CHL1: variants seen among roughly 807,000 people sequenced by gnomAD.
CHL1 encodes the protein cell adhesion molecule L1 like, also known as neural cell adhesion molecule L1-like protein.
In CHL1, 96 loss-of-function variants were observed where a neutral mutation model predicts 141.9. The observed-to-expected ratio is 0.68, with a 90% CI of 0.57 to 0.80. The LOEUF (loss-of-function observed/expected upper bound fraction) is 0.80. Ranked by LOEUF, CHL1 falls within the 30% of genes least tolerant of loss-of-function variation. CHL1 has a pLI of 0.00. For synonymous variants in CHL1, 613 were observed against 502.2 expected, an observed-to-expected ratio of 1.22 and a Z score of -2.95; for missense variants, 1,820 against 1,457.2, an observed-to-expected ratio of 1.25 and a Z score of -4.05.
intron 2 of CHL1, among the ~76,000 whole-genome samples, chr3:295,951 G>C (rs573844569): frequency 6.6e-6 from 1 of 152,072 alleles, no homozygotes; most frequent in African/African-American, 2.4e-5. Context: ...AGAGAACCTT[G>C]GTGCCCCTTC....
chr3:199,473 T>A (rs2125316811), intron 1 of CHL1, among the ~76,000 whole-genome samples: 1 of 152,372 alleles, frequency 6.6e-6, no homozygotes, highest in African/African-American at 2.4e-5. Context: ...CTCCAACCTA[T>A]CTGCTGATAA....
Position 359,003 on chromosome 3 carries a change from A to C in CHL1, c.1166-1281A>C, listed in dbSNP as rs11710352. Among the ~76,000 whole-genome samples the C allele has an allele frequency of 6.4e-3, 947 of 147,566 alleles. 2 individuals are homozygous for C. The highest frequency in any genetic ancestry group is 0.011 in the Non-Finnish European group (706 of 67,188). ...TATATATATATTATATACGGATATT[A>C]TATATAATATAATAATATATATTTA... On this transcript the variant is annotated intron_variant, in intron 11 of 27. Coordinates refer to ENST00000256509, the MANE Select transcript of CHL1 (RefSeq NM_006614.4).
In CHL1 at chr3:401,146, C is replaced by A. The variant is rs114348249; in HGVS notation, c.3386-480C>A. Among the ~76,000 whole-genome samples, 265 of 152,260 alleles carry A rather than the reference C, an allele frequency of 1.7e-3. 2 individuals carry two copies. Among genetic ancestry groups the A allele is most frequent in the African/African-American group, 5.9e-3 (247 of 41,560 alleles). On this transcript the variant is annotated intron_variant, in intron 26 of 27. Transcript: ENST00000256509. ...CAAACTCCTGATATAAAGTGTTCTG[C>A]CCACCTTGGCCTCCCAAAGTGCCGG...
intron 18 of CHL1, 72 bp downstream of exon 18, chr3:382,743 A>T (rs1369232198): frequency 7.6e-7 from 1 of 1,313,902 alleles, no homozygotes; most frequent in African/African-American, 1.5e-5. Context: ...CTAAAAAAAA[A>T]AGATTGATAG....
rs550962913 is a variant in CHL1, at chr3:314,515, T to C, written c.-94-5168T>C. Among the ~76,000 whole-genome samples, 3 of 151,964 alleles carry C rather than the reference T, an allele frequency of 2.0e-5. No homozygotes were observed. In the South Asian group the frequency reaches 6.3e-4, roughly 32 times the overall value. ...ATTGTTCCTAAGTCTACTGTTTCTT[T>C]GGGAGATTCTGCTGAACTTAGCCAG... On this transcript the variant is annotated intron_variant, in intron 2 of 27. Coordinates refer to ENST00000256509, the MANE Select transcript of CHL1 (RefSeq NM_006614.4).
intron 2 of CHL1, among the ~76,000 whole-genome samples, chr3:248,994 T>A (rs2125129390): frequency 6.6e-6 from 1 of 152,314 alleles, no homozygotes; most frequent in African/African-American, 2.4e-5. Flanking sequence ...AAAATTGTGT[T>A]TCCTCAAGAA....
At chr3:324,283 C>T (rs1042195287) in intron 3 of CHL1, among the ~76,000 whole-genome samples, 1 of 152,062 alleles carries the variant, frequency 6.6e-6, no homozygotes, top group Admixed American at 6.6e-5. Context: ...TTAAGTTAGG[C>T]TCTGTGCCTG....
intron 1 of CHL1, among the ~76,000 whole-genome samples, chr3:233,567 T>C (rs1691625157): frequency 6.6e-6 from 1 of 152,178 alleles, no homozygotes; most frequent in African/African-American, 2.4e-5. Context: ...CTTACCACTT[T>C]CTTCCCATAA....
At position 215,185 on chromosome 3, in the gene CHL1, A is replaced by C. The variant is rs1700215119; in HGVS notation, c.-175+18122A>C. On this transcript the variant is annotated intron_variant, in intron 1 of 27. Transcript: ENST00000256509. ...AACCTAAGTGTCCATCAACAGATGA[A>C]TAAAGAAAATGTGGTGTATATATAC... Among the ~76,000 whole-genome samples, 5 of 152,352 alleles carry C rather than the reference A, an allele frequency of 3.3e-5. No individual in the cohort carries two copies. In the South Asian group the frequency reaches 1.0e-3, roughly 32 times the overall value.
intron 2 of CHL1, among the ~76,000 whole-genome samples, chr3:299,751 CAG>C (rs1252468971): frequency 1.3e-5 from 2 of 152,094 alleles, no homozygotes; most frequent in Non-Finnish European, 2.9e-5. Context: ...TCTCACCTGA[CAG>C]GGGAGCAGTG....
chr3:248,336 C>T (rs1051492848), intron 2 of CHL1: 1 of 152,000 alleles, frequency 6.6e-6, no homozygotes, highest in Non-Finnish European at 1.5e-5. Flanking sequence ...GATTTTAAGT[C>T]ACTAGGAAAA....
intron 2 of CHL1, among the ~76,000 whole-genome samples, chr3:317,130 A>T (rs1386840799): frequency 6.6e-6 from 1 of 152,006 alleles, no homozygotes; most frequent in Non-Finnish European, 1.5e-5. Flanking sequence ...TTTCAGGTAA[A>T]TTGAAGCTAA....
At chr3:198,087 G>T in intron 1 of CHL1, 2 of 290,104 alleles carry the variant, frequency 6.9e-6, no homozygotes, top group South Asian at 5.7e-5. Context: ...AGCCGCGCGG[G>T]CCCAGGTACC....
chr3:376,129 C>A (rs543623273), intron 15 of CHL1, among the ~76,000 whole-genome samples: 3 of 152,292 alleles, frequency 2.0e-5, no homozygotes, highest in East Asian at 3.9e-4. Flanking sequence ...AGAAATGATA[C>A]AACTTTTTAA....
intron 1 of CHL1, among the ~76,000 whole-genome samples, chr3:211,206 T>C (rs188144691): frequency 1.2e-3 from 177 of 152,318 alleles, no homozygotes; most frequent in African/African-American, 4.2e-3. Flanking sequence ...CTTCTATTTA[T>C]TGATTACAGC....
chr3:208,419 G>C (rs925348253), intron 1 of CHL1, among the ~76,000 whole-genome samples: 1 of 151,538 alleles, frequency 6.6e-6, no homozygotes. Context: ...ACAGAAAGGA[G>C]TGTGTCATCA....
intron 15 of CHL1, among the ~76,000 whole-genome samples, chr3:374,852 C>A (rs1054653599): frequency 2.6e-5 from 4 of 152,164 alleles, no homozygotes; most frequent in Non-Finnish European, 5.9e-5. Context: ...TGCTGAGACA[C>A]CTTCTCCTTA....
intron 15 of CHL1, among the ~76,000 whole-genome samples, chr3:368,966 T>A (rs931368904): frequency 3.0e-4 from 46 of 152,238 alleles, no homozygotes; most frequent in African/African-American, 9.2e-4. Flanking sequence ...TCTGTTTTCA[T>A]ACCAGTACCA....
At chr3:371,499 C>G (rs1705628895) in intron 15 of CHL1, among the ~76,000 whole-genome samples, 1 of 152,142 alleles carries the variant, frequency 6.6e-6, no homozygotes, top group African/African-American at 2.4e-5. Context: ...CTATGTGTGT[C>G]TTTGCATGTG....
Sources: gnomAD v4.1 joint callset for allele counts (sites outside exome capture counted in the v4.1 genomes callset) on GRCh38, gnomAD v4.1.1 for gene constraint, MANE v1.5 for transcripts, NCBI Gene and HGNC (gene_info 2026-07-23, HGNC 2026-07-21) for gene names.